PIK3C2G: variants seen among roughly 807,000 people sequenced by gnomAD.
The protein encoded by PIK3C2G is phosphatidylinositol-4-phosphate 3-kinase catalytic subunit type 2 gamma.
A neutral mutation model predicts 181.1 loss-of-function variants in PIK3C2G; 168 were observed. That is an observed-to-expected ratio of 0.93 (90% CI 0.82 to 1.05). PIK3C2G has a LOEUF of 1.05. PIK3C2G is among the 50% of genes least tolerant of loss of function. PIK3C2G has a pLI of 0.00. For missense variants in PIK3C2G, 1,869 were observed against 1,732.8 expected (o/e 1.08, Z -1.40); for synonymous variants, 573 against 592.2 (o/e 0.97, Z 0.47).
At chr12:18,539,808 A>G (rs1944055323) in intron 25 of PIK3C2G, among the ~76,000 whole-genome samples, 1 of 151,964 alleles carries the variant, frequency 6.6e-6, no homozygotes, top group African/African-American at 2.4e-5. Context: ...CATGTCCTTC[A>G]TATGCAAAGA....
intron 1 of PIK3C2G, among the ~76,000 whole-genome samples, chr12:18,271,568 A>C (rs1214507631): frequency 6.6e-6 from 1 of 152,048 alleles, no homozygotes; most frequent in Non-Finnish European, 1.5e-5. Context: ...TTTTCCTCTT[A>C]CCAGGGCCAC....
chr12:18,262,669 G>T (rs1354290831), intron 1 of PIK3C2G, among the ~76,000 whole-genome samples: 3 of 151,228 alleles, frequency 2.0e-5, no homozygotes, highest in Non-Finnish European at 4.4e-5. Flanking sequence ...CATAGTAGGT[G>T]AGTCTTCACT....
At chr12:18,504,359 T>C (rs1272084033) in intron 23 of PIK3C2G, among the ~76,000 whole-genome samples, 3 of 152,238 alleles carry the variant, frequency 2.0e-5, no homozygotes, top group African/African-American at 7.2e-5. Context: ...GCATTAATCC[T>C]TGTGGTTACG....
the PIK3C2G span, among the ~76,000 whole-genome samples, chr12:18,658,013 C>CA: frequency 2.0e-5 from 3 of 150,192 alleles, no homozygotes; most frequent in Non-Finnish European, 4.4e-5. Flanking sequence ...ATGAAGTAAC[C>CA]AAAAAAAAAT....
chr12:18,637,967 C>T (rs770659560), intron 31 of PIK3C2G, among the ~76,000 whole-genome samples: 3 of 152,074 alleles, frequency 2.0e-5, no homozygotes, highest in South Asian at 2.1e-4. Flanking sequence ...TTAGTGAGCC[C>T]GAAACAACAA....
the PIK3C2G span, among the ~76,000 whole-genome samples, chr12:18,682,784 C>T: frequency 6.6e-6 from 1 of 151,974 alleles, no homozygotes; most frequent in East Asian, 1.9e-4. Flanking sequence ...TAATTACTCT[C>T]CAGGATATGA....
chr12:18,693,884 A>C, the PIK3C2G span: 1 of 1,531,978 alleles, frequency 6.5e-7, no homozygotes, highest in Middle Eastern at 2.3e-4. Flanking sequence ...GATTCACACA[A>C]GCAGGATGAC....
At chr12:18,584,475 A>G (rs553550763) in intron 29 of PIK3C2G, among the ~76,000 whole-genome samples, 4 of 152,176 alleles carry the variant, frequency 2.6e-5, no homozygotes, top group Non-Finnish European at 5.9e-5. Flanking sequence ...GAAATAAGAC[A>G]GTCAGACAAA....
chr12:18,243,814 T>C (rs1565519374), upstream of PIK3C2G, among the ~76,000 whole-genome samples: 1 of 151,948 alleles, frequency 6.6e-6, no homozygotes, highest in Non-Finnish European at 1.5e-5. Context: ...ATAATGTAAA[T>C]TAGGTTTCTA....
rs1462160828 is a variant in PIK3C2G, at chr12:18,496,037, G to C, written c.2794-25G>C. 3 of 1,296,620 alleles carry C rather than the reference G, an allele frequency of 2.3e-6. No individual in the cohort carries two copies. The African/African-American group carries it at 4.6e-5, about 20-fold the overall frequency. 80.3% of individuals were successfully genotyped at this position (1,296,620 alleles called of 1,614,324 possible). On this transcript the variant is annotated intron_variant, in intron 20 of 32. Coordinates refer to ENST00000538779, the MANE Select transcript of PIK3C2G (RefSeq NM_001288772.2). ...GGGGTCTGATTTATTTTGCTCACTAGTTTTCCCTTTTTCTTTTCCTATAGG... is the reference window on the plus strand; with the variant it reads ...GGGGTCTGATTTATTTTGCTCACTACTTTTCCCTTTTTCTTTTCCTATAGG...
chr12:18,291,042 T>C (rs778947873), intron 4 of PIK3C2G, 30 bp downstream of exon 4: 3 of 1,484,480 alleles, frequency 2.0e-6, no homozygotes, highest in Non-Finnish European at 2.8e-6. Context: ...AGTCTACAAA[T>C]CTATACAAAG....
At chr12:18,589,050 A>G (rs892222611) in intron 29 of PIK3C2G, among the ~76,000 whole-genome samples, 5 of 152,084 alleles carry the variant, frequency 3.3e-5, no homozygotes, top group African/African-American at 9.7e-5. Context: ...ATGAGAACAC[A>G]TGAACACAAA....
At chr12:18,709,926 T>C in the PIK3C2G span, among the ~76,000 whole-genome samples, 1 of 152,066 alleles carries the variant, frequency 6.6e-6, no homozygotes, top group Non-Finnish European at 1.5e-5. Context: ...CTATTGTAAA[T>C]GAGATTTTTT....
the PIK3C2G span, among the ~76,000 whole-genome samples, chr12:18,697,217 A>G: frequency 6.6e-6 from 1 of 152,132 alleles, no homozygotes; most frequent in South Asian, 2.1e-4. Flanking sequence ...TAAACCAACT[A>G]GAATAGAATC....
At chr12:18,578,776 T>G (rs1436257680) in intron 29 of PIK3C2G, among the ~76,000 whole-genome samples, 2 of 152,142 alleles carry the variant, frequency 1.3e-5, no homozygotes, top group African/African-American at 4.8e-5. Context: ...TTTTTACTAT[T>G]TTAAGTGATA....
At chr12:18,328,693 A>C (rs1368334820) in intron 8 of PIK3C2G, among the ~76,000 whole-genome samples, 1 of 152,038 alleles carries the variant, frequency 6.6e-6, no homozygotes, top group Non-Finnish European at 1.5e-5. Context: ...TGTTTTAAAT[A>C]ATTAATGAAA....
At chr12:18,676,176 A>C in the PIK3C2G span, among the ~76,000 whole-genome samples, 1 of 152,120 alleles carries the variant, frequency 6.6e-6, no homozygotes, top group Non-Finnish European at 1.5e-5. Context: ...AACTGAATAC[A>C]TGGAACTGAA....
At chr12:18,572,676 C>A (rs942824044) in intron 29 of PIK3C2G, among the ~76,000 whole-genome samples, 3 of 151,730 alleles carry the variant, frequency 2.0e-5, no homozygotes, top group African/African-American at 7.3e-5. Flanking sequence ...ATTGCTTGTA[C>A]CATTTCTTCT....
chr12:18,631,759 A>G (rs78794707), intron 31 of PIK3C2G, among the ~76,000 whole-genome samples: 139 of 152,340 alleles, frequency 9.1e-4, no homozygotes, highest in Admixed American at 3.6e-3. Flanking sequence ...GCACCAGGAA[A>G]ACTGAGTAGC....
Sources: gnomAD v4.1 joint callset for allele counts (sites outside exome capture counted in the v4.1 genomes callset) on GRCh38, gnomAD v4.1.1 for gene constraint, MANE v1.5 for transcripts, NCBI Gene and HGNC (gene_info 2026-07-23, HGNC 2026-07-21) for gene names.